NDST2: variants seen among roughly 807,000 people sequenced by gnomAD.
NDST2 encodes the protein N-deacetylase and N-sulfotransferase 2.
In NDST2, 32 loss-of-function variants were observed where a neutral mutation model predicts 86.9. The observed-to-expected ratio is 0.37, with a 90% CI of 0.28 to 0.49. The LOEUF (loss-of-function observed/expected upper bound fraction) is 0.49. NDST2 is among the 20% of genes least tolerant of loss of function. NDST2 has a pLI of 0.97. For missense variants in NDST2, 950 were observed against 1,146.9 expected, an observed-to-expected ratio of 0.83 and a Z score of 2.48; for synonymous variants, 409 against 437.0, an observed-to-expected ratio of 0.94 and a Z score of 0.80.
In NDST2 at chr10:73,803,139, G is replaced by A. The variant is rs199674268; in HGVS notation, c.2313+50C>T. 1.0e-4 allele frequency: 163 copies of A among 1,613,546 alleles called. No individual in the cohort carries two copies. The Middle Eastern group carries it at 1.8e-3, about 18-fold the overall frequency. ...TCCTAAGAAGCCTCTGGGCTGAAGG[G>A]AAGAAGAGGGGAAGGGGAACCCCAC... On this transcript the variant is annotated intron_variant, in intron 12 of 14. Coordinates refer to ENST00000309979, the MANE Select transcript of NDST2 (RefSeq NM_003635.4).
rs2084113832 is a variant in NDST2 at position 73,806,914 on chromosome 10, ACTTT to A, written c.1094-107_1094-104del. The A allele has an allele frequency of 2.6e-6, 4 of 1,558,506 alleles. No individual in the cohort carries two copies. Among genetic ancestry groups the A allele is most frequent in the Non-Finnish European group, 3.5e-6 (4 of 1,145,882 alleles). On this transcript the variant is annotated intron_variant, in intron 4 of 14. Transcript: ENST00000309979. The surrounding 1 kb of genome is among the most constrained non-coding windows in gnomAD (Gnocchi z 4.5). ...CTTCCATCCCTGATCCTTGCCTAAG[ACTTT>A]CTATTTGCCCCACTGCCAACTTGCC...
At position 73,808,438 on chromosome 10, in the gene NDST2, A is replaced by C. The variant is rs2084145606; in HGVS notation, c.-50T>G. ...AATGGGGACCACCTCAGGGGATGGG[A>C]GGTAGGAGTTCTATAGGCTAGGACT... On this transcript the variant is annotated 5_prime_UTR_variant, in exon 3 of 15. Coordinates refer to ENST00000309979, the MANE Select transcript of NDST2 (RefSeq NM_003635.4). The surrounding 1 kb of genome is among the most constrained non-coding windows in gnomAD (Gnocchi z 4.3). 1 of 1,509,540 alleles carries C rather than the reference A, an allele frequency of 6.6e-7. No individual in the cohort carries two copies. 93.5% of individuals were successfully genotyped at this position (1,509,540 alleles called of 1,614,324 possible).
Position 73,806,419 on chromosome 10 carries a change from A to C in NDST2, c.1304T>G (p.Val435Gly). ...GYAVAPHHSG[V>G]YPIHTQLYEA... is the part of the protein sequence containing the mutation. ...ATAGAGCTGCGTGTGGATGGGGTAC[A>C]CACCCGAGTGGTGGGGGGCCACAGC... The change falls in exon 6 of 15, where the codon GTG (valine) becomes GGG (glycine). Residue 435 changes from valine to glycine, a missense_variant. By Grantham distance (109) the Val-to-Gly change is moderately radical (BLOSUM62 -3). Coordinates refer to ENST00000309979, the MANE Select transcript of NDST2 (RefSeq NM_003635.4). This position sits in a 1 kb window ranked among gnomAD's most constrained non-coding sequence, Gnocchi z 4.5. 6.2e-7 allele frequency: 1 copy of C among 1,612,908 alleles called. No individual in the cohort carries two copies. The highest frequency in any genetic ancestry group is 8.5e-7 in the Non-Finnish European group (1 of 1,179,192).
Position 73,804,021 on chromosome 10 carries a change from A to G in NDST2, c.1844-5T>C. The G allele has an allele frequency of 6.2e-7, 1 of 1,606,066 alleles. No individual in the cohort carries two copies. Among genetic ancestry groups the G allele is most frequent in the Non-Finnish European group, 8.5e-7 (1 of 1,175,456 alleles). On this transcript the variant is annotated splice_polypyrimidine_tract_variant and splice_region_variant and intron_variant, in intron 9 of 14. Coordinates refer to ENST00000309979, the MANE Select transcript of NDST2 (RefSeq NM_003635.4). ...AGAAGTGAATAGCTGTAGTCCCTAA[A>G]TGGGAGAGAAAGACCAGCTTCAGGC...
intron 11 of NDST2, 55 bp downstream of exon 11, chr10:73,803,519 T>TGGGGGGGGGGGGGGG: frequency 4.4e-5 from 25 of 565,764 alleles, no homozygotes; most frequent in East Asian, 1.3e-4. Context: ...GCAGTCACTG[T>TGGGGGGGGGGGGGGG]CCCCTCCCCC....
Position 73,806,283 on chromosome 10 carries a change from C to T in NDST2, c.1434+6G>A. On this transcript the variant is annotated splice_donor_region_variant and intron_variant, in intron 6 of 14. Coordinates refer to ENST00000309979, the MANE Select transcript of NDST2 (RefSeq NM_003635.4). The surrounding 1 kb of genome is among the most constrained non-coding windows in gnomAD (Gnocchi z 4.5). ...TTGATTCAAGCCTGTATTGGGAGTCCCTCACCATAATGCCATTGTGAATGA... is the reference window on the plus strand; with the variant it reads ...TTGATTCAAGCCTGTATTGGGAGTCTCTCACCATAATGCCATTGTGAATGA... 2 of 1,613,284 alleles carry T rather than the reference C, an allele frequency of 1.2e-6. No individual in the cohort carries two copies. Among genetic ancestry groups the T allele is most frequent in the Non-Finnish European group, 1.7e-6 (2 of 1,179,872 alleles).
chr10:73,805,601 T>C lies in NDST2; in HGVS notation c.1732A>G (p.Ser578Gly). The C allele has an allele frequency of 6.2e-7, 1 of 1,614,052 alleles. No homozygotes were observed. Among genetic ancestry groups the C allele is most frequent in the Non-Finnish European group, 8.5e-7 (1 of 1,180,012 alleles). The stretch of plus-strand genomic sequence containing the variant: ...TCCACCTTTACCTGCCAAAGGGGGC[T>C]TCGCTCCTGAGGGAAAAGTTCAAAG... ...KYFELFPQER[S>G]PLWQNPCDDK... is the part of the protein sequence containing the mutation. The change falls in exon 8 of 15, where the codon AGC becomes GGC. Residue 578 changes from serine to glycine, a missense_variant. Ser to Gly is a moderately conservative substitution (Grantham distance 56). Around this residue, in one of 5 missense-constraint regions of NDST2, gnomAD observed 586 missense variants for 714.0 expected, o/e 0.82. Coordinates refer to ENST00000309979, the MANE Select transcript of NDST2 (RefSeq NM_003635.4).
At chr10:73,810,944 C>G (rs2084202663) in intron 1 of NDST2, 41 bp from the exon 2 acceptor site, 1 of 398,696 alleles carries the variant, frequency 2.5e-6, no homozygotes, top group Non-Finnish European at 4.4e-6. Context: ...GCGCCGGGAG[C>G]GCCGCAGGCC....
chr10:73,805,824 G>A (rs2084092242), intron 7 of NDST2, 55 bp from the exon 8 acceptor site: 4 of 1,613,042 alleles, frequency 2.5e-6, no homozygotes, highest in Admixed American at 3.3e-5. Context: ...CTCTGAATTA[G>A]CCTTGGTGAA....
rs552264701 is a variant in NDST2 at position 73,811,533 on chromosome 10, G to C, written c.-506C>G. The stretch of plus-strand genomic sequence containing the variant: ...GCTCCGCCGCGTCCCGGGGCTGCCC[G>C]GCTTCCCTGCTTTCGGGGCCACGGG... On this transcript the variant is annotated 5_prime_UTR_variant, in exon 1 of 15. Coordinates refer to ENST00000309979, the MANE Select transcript of NDST2 (RefSeq NM_003635.4). The C allele has an allele frequency of 6.6e-6, 1 of 152,296 alleles. No homozygotes were observed. The highest frequency in any genetic ancestry group is 2.4e-5 in the African/African-American group (1 of 41,562). The allele number at this position is 152,296 out of a possible 1,614,324, so 9.4% of individuals were successfully genotyped here. A position where few individuals can be genotyped will look rare whatever the true frequency, so the allele number is the denominator to read the frequency against.
intron 1 of NDST2, among the ~76,000 whole-genome samples, chr10:73,811,170 G>A (rs1420235012): frequency 1.3e-5 from 2 of 152,128 alleles, no homozygotes; most frequent in Admixed American, 1.3e-4. Flanking sequence ...ACAGGTGGAT[G>A]CGAAGAGCGC....
At position 73,805,959 on chromosome 10, in the gene NDST2, G is replaced by T. The variant is rs181809542; in HGVS notation, c.1504C>A (p.Arg502Ser). ...IFYNEYPGGS[R>S]ELDRSIRGGE... ...CCTCGGATGCTCCGGTCTAGTTCAC[G>T]AGAGCCTCCAGGATACTCATTATAG... is the stretch of plus-strand genomic sequence containing the variant. The change falls in exon 7 of 15, where the codon CGT (arginine) becomes AGT (serine). Residue 502 changes from arginine (R) to serine (S), a missense_variant. Around this residue, in one of 5 missense-constraint regions of NDST2, gnomAD observed 586 missense variants for 714.0 expected, o/e 0.82. Transcript: ENST00000309979. The T allele has an allele frequency of 6.2e-7, 1 of 1,614,186 alleles. No homozygotes were observed. The highest frequency in any genetic ancestry group is 2.2e-5 in the East Asian group (1 of 44,884).
At position 73,803,766 on chromosome 10, in the gene NDST2, A is replaced by G. The variant is rs780431294; in HGVS notation, c.1968-18T>C. ...CCATGTACCTAGGAAGTAGCACAGA[A>G]GAGAGAGAAGCAGAAAAATATGCAG... On this transcript the variant is annotated intron_variant, in intron 10 of 14. Coordinates refer to ENST00000309979, the MANE Select transcript of NDST2 (RefSeq NM_003635.4). 8.7e-6 allele frequency: 14 copies of G among 1,613,774 alleles called. No individual in the cohort carries two copies. The highest frequency in any genetic ancestry group is 1.6e-4 in the Middle Eastern group (1 of 6,080).
chr10:73,806,907 G>T lies in NDST2; in HGVS notation c.1094-96C>A. 6.4e-7 allele frequency: 1 copy of T among 1,561,840 alleles called. No homozygotes were observed. Among genetic ancestry groups the T allele is most frequent in the Non-Finnish European group, 8.7e-7 (1 of 1,148,372 alleles). On this transcript the variant is annotated intron_variant, in intron 4 of 14. Coordinates refer to ENST00000309979, the MANE Select transcript of NDST2 (RefSeq NM_003635.4). This position sits in a 1 kb window ranked among gnomAD's most constrained non-coding sequence, Gnocchi z 4.5. ...TGACCACCTTCCATCCCTGATCCTT[G>T]CCTAAGACTTTCTATTTGCCCCACT...
chr10:73,805,672 C>T lies in NDST2; in HGVS notation c.1661G>A (p.Arg554Gln), dbSNP rs752584000. 41 of 1,614,204 alleles carry T rather than the reference C, an allele frequency of 2.5e-5. No homozygotes were observed. The East Asian group carries it at 3.8e-4, about 15-fold the overall frequency. The stretch of plus-strand genomic sequence containing the variant: ...AGGAGGAAGGGTCTGTAGGCGCAGC[C>T]GTGTCCAACACTGGAGGAAGCGCAC... Reference protein sequence around the residue: ...SLVRFLQCWTRLRLQTLPPVP... With the variant: ...SLVRFLQCWTQLRLQTLPPVP... Residue 554 changes from arginine to glutamine, a missense_variant, in exon 8 of 15, where the codon CGG becomes CAG. Physicochemically the swap from Arg to Gln is conservative, Grantham distance 43 (BLOSUM62 1). Coordinates refer to ENST00000309979, the MANE Select transcript of NDST2 (RefSeq NM_003635.4).
Position 73,807,750 on chromosome 10 carries a change from G to A in NDST2, c.639C>T (p.Arg213=), listed in dbSNP as rs199508425. 5.0e-6 allele frequency: 8 copies of A among 1,614,190 alleles called. No individual in the cohort carries two copies. The Admixed American group carries it at 1.0e-4, about 20-fold the overall frequency. Reference sequence around the variant, plus strand: ...GTGGCCCTGGTTCTAGGCGGCTGGGGCGTGTGAGATGCAGTAGCGGGGCAG... The same window carrying A: ...GTGGCCCTGGTTCTAGGCGGCTGGGACGTGTGAGATGCAGTAGCGGGGCAG... ...NPSAPLLHLT[R]PSRLEPGPLP... The change falls in exon 3 of 15, where the codon CGC becomes CGT. Residue 213 remains arginine, a synonymous_variant. Transcript: ENST00000309979.
Position 73,808,075 on chromosome 10 carries a change from A to G in NDST2, c.314T>C (p.Ile105Thr). The change falls in exon 3 of 15, where the codon ATC (isoleucine) becomes ACC (threonine). Residue 105 changes from isoleucine (I) to threonine (T), a missense_variant. Ile to Thr is a moderately conservative substitution (Grantham distance 89, BLOSUM62 -1). Coordinates refer to ENST00000309979, the MANE Select transcript of NDST2 (RefSeq NM_003635.4). This position sits in a 1 kb window ranked among gnomAD's most constrained non-coding sequence, Gnocchi z 4.3. Reference sequence around the variant, plus strand: ...ATAACGAAAACGACTAGACTCCAGGATGGCCACAATTTCCTGCCCCAGCTG... The same window carrying G: ...ATAACGAAAACGACTAGACTCCAGGGTGGCCACAATTTCCTGCCCCAGCTG... Reference protein sequence around the residue: ...YSQLGQEIVAILESSRFRYST... With the variant: ...YSQLGQEIVATLESSRFRYST... 6.2e-7 allele frequency: 1 copy of G among 1,614,238 alleles called. No individual in the cohort carries two copies. Among genetic ancestry groups the G allele is most frequent in the Admixed American group, 1.7e-5 (1 of 60,026 alleles).
chr10:73,810,176 A>C (rs1458832108), intron 2 of NDST2, among the ~76,000 whole-genome samples: 1 of 152,154 alleles, frequency 6.6e-6, no homozygotes, highest in Non-Finnish European at 1.5e-5. Context: ...AAAACAGTTC[A>C]GGACAGGCGT....
At position 73,808,331 on chromosome 10, in the gene NDST2, T is replaced by C. The variant is rs1244995507; in HGVS notation, c.58A>G (p.Ile20Val). ...PARQLELHRL[I>V]LLLIAFSLGS... is the part of the protein sequence containing the mutation. ...AGGCTGAAAGCGATCAGCAGCAGTA[T>C]GAGGCGGTGCAGTTCCAGCTGCCGA... Residue 20 changes from isoleucine (I) to valine (V), a missense_variant, in exon 3 of 15, where the codon ATA (isoleucine) becomes GTA (valine). Physicochemically the swap from Ile to Val is conservative, Grantham distance 29. Around this residue, in one of 5 missense-constraint regions of NDST2, gnomAD observed 38 missense variants for 42.5 expected, o/e 0.89. Coordinates refer to ENST00000309979, the MANE Select transcript of NDST2 (RefSeq NM_003635.4). The surrounding 1 kb of genome is among the most constrained non-coding windows in gnomAD (Gnocchi z 4.3). The C allele has an allele frequency of 1.3e-6, 2 of 1,595,168 alleles. No individual in the cohort carries two copies. Among genetic ancestry groups the C allele is most frequent in the Non-Finnish European group, 8.5e-7 (1 of 1,171,164 alleles).
Sources: gnomAD v4.1 joint callset for allele counts (sites outside exome capture counted in the v4.1 genomes callset) on GRCh38, gnomAD v4.1.1 for gene constraint, gnomAD v4.1.1 regional missense constraint, Gnocchi (gnomAD v3.1) non-coding constraint, MANE v1.5 for transcripts, NCBI Gene and HGNC (gene_info 2026-07-23, HGNC 2026-07-21) for gene names.